The following F11 variants were observed in gnomAD, a reference collection of about 807,000 sequenced individuals.
F11 encodes the protein coagualtion factor XI.
In F11, 78 loss-of-function variants were observed where a neutral mutation model predicts 76.5. The ratio of observed to expected loss-of-function variants is 1.02; its 90% CI spans 0.85 to 1.23. F11 has a LOEUF of 1.23. Among genes scored for constraint, F11 ranks in the 50% most tolerant of loss-of-function variants. F11 has a pLI of 0.00. For synonymous variants in F11, 278 were observed against 276.3 expected, an observed-to-expected ratio of 1.01 and a Z score of -0.06; for missense variants, 742 against 771.4, an observed-to-expected ratio of 0.96 and a Z score of 0.45.
chr4:186,284,552 C>A (rs1741046233), intron 11 of F11, among the ~76,000 whole-genome samples: 1 of 152,098 alleles, frequency 6.6e-6, no homozygotes, highest in Non-Finnish European at 1.5e-5. Flanking sequence ...TCCCTCTGTG[C>A]CTCGCTCTGT....
In F11 at chr4:186,273,184, T is replaced by C. The variant is rs763099900; in HGVS notation, c.325+7T>C. 5.0e-6 allele frequency: 8 copies of C among 1,603,440 alleles called. No homozygotes were observed. The highest frequency in any genetic ancestry group is 6.8e-6 in the Non-Finnish European group (8 of 1,170,484). On this transcript the variant is annotated splice_region_variant and intron_variant, in intron 4 of 14. Coordinates refer to ENST00000403665, the MANE Select transcript of F11 (RefSeq NM_000128.4). Reference sequence around the variant, plus strand: ...TGCTCACACCAAATAAGCGGTAAGATATGTTCTCAGAATCAACAAATACCA... The same window carrying C: ...TGCTCACACCAAATAAGCGGTAAGACATGTTCTCAGAATCAACAAATACCA...
chr4:186,276,441 T>C (rs780457850), intron 7 of F11, 51 bp downstream of exon 7: 1 of 1,590,710 alleles, frequency 6.3e-7, no homozygotes, highest in South Asian at 1.1e-5. Flanking sequence ...AAATAGCTGA[T>C]CAAAATCCAT....
Position 186,284,101 on chromosome 4 carries a change from C to A in F11, c.1145C>A (p.Thr382Asn). Residue 382 changes from threonine (T) to asparagine (N), a missense_variant, in exon 11 of 15, where the codon ACC becomes AAC. By Grantham distance (65) the Thr-to-Asn change is moderately conservative. Coordinates refer to ENST00000403665, the MANE Select transcript of F11 (RefSeq NM_000128.4). The part of the protein sequence containing the change: ...RLCKMDNECT[T>N]KIKPRIVGGT... ...AATGCTTCTGTTGCAGAGTGTACCA[C>A]CAAAATCAAGCCCAGGATCGTTGGA... is the stretch of plus-strand genomic sequence containing the variant. 1.9e-6 allele frequency: 3 copies of A among 1,614,202 alleles called. No homozygotes were observed. Among genetic ancestry groups the A allele is most frequent in the Non-Finnish European group, 2.5e-6 (3 of 1,180,044 alleles).
In F11 at chr4:186,288,688, C is replaced by A; in HGVS notation, c.*74C>A. 6.7e-7 allele frequency: 1 copy of A among 1,493,638 alleles called. No homozygotes were observed. Among genetic ancestry groups the A allele is most frequent in the Non-Finnish European group, 9.2e-7 (1 of 1,089,686 alleles). The allele number at this position is 1,493,638 out of a possible 1,614,324, so 92.5% of individuals were successfully genotyped here. On this transcript the variant is annotated 3_prime_UTR_variant, in exon 15 of 15. Transcript: ENST00000403665. Reference sequence around the variant, plus strand: ...GGGAGAGGGTGTTGAGTTCACTGTGCCAGCATGCTTCCTCCACAGTAACAC... The same window carrying A: ...GGGAGAGGGTGTTGAGTTCACTGTGACAGCATGCTTCCTCCACAGTAACAC...
At chr4:186,283,090 ACC>A (rs745907394) in intron 10 of F11, 1 of 956,700 alleles carries the variant, frequency 1.0e-6, no homozygotes, top group Non-Finnish European at 1.2e-6. Flanking sequence ...CATTGACATC[ACC>A]TGGGAGCTTG....
chr4:186,286,448 G>A lies in F11; in HGVS notation c.1514G>A (p.Gly505Glu). 6.2e-7 allele frequency: 1 copy of A among 1,614,014 alleles called. No homozygotes were observed. The highest frequency in any genetic ancestry group is 8.5e-7 in the Non-Finnish European group (1 of 1,179,942). ...SQRPICLPSK[G>E]DRNVIYTDCW... ...CGACCCATATGCCTGCCTTCCAAAG[G>A]AGATAGAAATGTAATATACACTGAT... is the stretch of plus-strand genomic sequence containing the variant. Residue 505 changes from glycine (G) to glutamate (E), a missense_variant, in exon 13 of 15, where the codon GGA becomes GAA. Gly to Glu is a moderately conservative substitution (Grantham distance 98, BLOSUM62 -2). Transcript: ENST00000403665.
chr4:186,287,396 C>T (rs1328905574), intron 13 of F11, among the ~76,000 whole-genome samples: 2 of 151,152 alleles, frequency 1.3e-5, no homozygotes, highest in Non-Finnish European at 3.0e-5. Flanking sequence ...CTGGCCTGGC[C>T]AACATGGTGA....
chr4:186,276,663 T>G (rs539892871), intron 7 of F11, among the ~76,000 whole-genome samples: 3 of 145,742 alleles, frequency 2.1e-5, no homozygotes, highest in Non-Finnish European at 3.0e-5. Flanking sequence ...TTCAGCTCAC[T>G]GCAACCTTCG....
intron 1 of F11, among the ~76,000 whole-genome samples, chr4:186,266,850 C>T (rs1197826619): frequency 1.3e-5 from 2 of 152,006 alleles, no homozygotes; most frequent in Non-Finnish European, 2.9e-5. Context: ...AGGATCTGAA[C>T]ACAGAGAGCG....
At chr4:186,276,582 C>CTTT (rs33965536) in intron 7 of F11, among the ~76,000 whole-genome samples, 192 bp downstream of exon 7, 4,255 of 75,926 alleles carry the variant, frequency 0.056, 312 homozygotes, top group African/African-American at 0.12. Context: ...ACCGAGGACT[C>CTTT]TTTTTTTTTT....
At position 186,286,458 on chromosome 4, in the gene F11, T is replaced by G; in HGVS notation, c.1524T>G (p.Asn508Lys). The G allele has an allele frequency of 6.2e-7, 1 of 1,614,002 alleles. No individual in the cohort carries two copies. The highest frequency in any genetic ancestry group is 8.5e-7 in the Non-Finnish European group (1 of 1,179,942). The change falls in exon 13 of 15, where the codon AAT becomes AAG. Residue 508 changes from asparagine (N) to lysine (K), a missense_variant. Coordinates refer to ENST00000403665, the MANE Select transcript of F11 (RefSeq NM_000128.4). ...GCCTGCCTTCCAAAGGAGATAGAAA[T>G]GTAATATACACTGATTGCTGGGTGA... ...PICLPSKGDR[N>K]VIYTDCWVTG... is the part of the protein sequence containing the mutation.
At chr4:186,283,604 TG>T (rs1740954219) in intron 10 of F11, among the ~76,000 whole-genome samples, 1 of 152,216 alleles carries the variant, frequency 6.6e-6, no homozygotes, top group African/African-American at 2.4e-5. Flanking sequence ...GGACAATGGC[TG>T]CAGCCTGCGG....
intron 12 of F11, chr4:186,286,059 C>T (rs1741189036): frequency 3.5e-6 from 2 of 571,248 alleles, no homozygotes; most frequent in Admixed American, 6.1e-5. Context: ...CATAGAATGA[C>T]ATAATTTCAT....
At chr4:186,273,298 A>C in intron 4 of F11, 121 bp downstream of exon 4, 2 of 802,862 alleles carry the variant, frequency 2.5e-6, no homozygotes, top group Non-Finnish European at 4.3e-6. Context: ...CCCTTAATGA[A>C]GTTCTTTCAG....
intron 2 of F11, 98 bp downstream of exon 2, chr4:186,267,289 GAAATA>G: frequency 2.3e-6 from 2 of 860,712 alleles, no homozygotes; most frequent in Non-Finnish European, 4.0e-6. Context: ...TGCCGGGAAG[GAAATA>G]AAATGTTTTT....
At chr4:186,272,287 A>G (rs1374098969) in intron 3 of F11, among the ~76,000 whole-genome samples, 1 of 152,212 alleles carries the variant, frequency 6.6e-6, no homozygotes, top group Non-Finnish European at 1.5e-5. Flanking sequence ...AAATAATTTT[A>G]AAACATGACA....
At chr4:186,288,158 T>C (rs1741354888) in intron 14 of F11, among the ~76,000 whole-genome samples, 1 of 151,968 alleles carries the variant, frequency 6.6e-6, no homozygotes, top group Non-Finnish European at 1.5e-5. Flanking sequence ...ATGATCTGCC[T>C]GCCTGGGCCT....
At chr4:186,282,885 T>C in intron 10 of F11, 1 of 985,404 alleles carries the variant, frequency 1.0e-6, no homozygotes, top group Non-Finnish European at 1.2e-6. Context: ...CCCAGAATTA[T>C]ACACTCATTT....
intron 2 of F11, among the ~76,000 whole-genome samples, chr4:186,270,589 T>A (rs1198688957): frequency 3.3e-5 from 5 of 152,058 alleles, no homozygotes; most frequent in African/African-American, 1.2e-4. Flanking sequence ...TCAATTTGTC[T>A]TGTAAAATTA....
Sources: allele counts gnomAD v4.1 joint callset (sites outside exome capture counted in the v4.1 genomes callset), GRCh38; gene constraint gnomAD v4.1.1; transcripts MANE v1.5; gene names NCBI Gene and HGNC (gene_info 2026-07-23, HGNC 2026-07-21).